The following ANKDD1A variants were observed in gnomAD, a reference collection of about 807,000 sequenced individuals.
The protein encoded by ANKDD1A is ankyrin repeat and death domain containing 1A, also known as ankyrin repeat and death domain-containing protein 1A.
A neutral mutation model predicts 63.5 loss-of-function variants in ANKDD1A; 59 were observed. That is an observed-to-expected ratio of 0.93 (90% confidence interval 0.75 to 1.15). ANKDD1A has a LOEUF of 1.15. ANKDD1A is among the 50% of genes most tolerant of loss of function. The probability of loss-of-function intolerance (pLI) is 0.00; values close to 1 mark genes in which losing one functional copy is unlikely to be tolerated. For synonymous variants in ANKDD1A, 266 were observed against 263.9 expected (o/e 1.01, Z -0.08); for missense variants, 632 against 656.4 (o/e 0.96, Z 0.41).
chr15:64,922,099 C>A (rs1033457620), intron 4 of ANKDD1A, 80 bp downstream of exon 4: 12 of 1,346,014 alleles, frequency 8.9e-6, no homozygotes, highest in Middle Eastern at 2.4e-4. Context: ...CTCTGTCCCC[C>A]ACCCCTGCTT....
At chr15:64,931,850 C>T in intron 8 of ANKDD1A, 1 of 581,582 alleles carries the variant, frequency 1.7e-6, no homozygotes, top group South Asian at 2.2e-5. Flanking sequence ...TAACACAGTG[C>T]CCAGGACATA....
chr15:64,955,142 C>T (rs1349804414), intron 14 of ANKDD1A, among the ~76,000 whole-genome samples: 1 of 151,994 alleles, frequency 6.6e-6, no homozygotes, highest in Non-Finnish European at 1.5e-5. Flanking sequence ...CAACCTCCAC[C>T]TCCCAGGTTC....
At chr15:64,955,260 A>G (rs2085407620) in intron 14 of ANKDD1A, among the ~76,000 whole-genome samples, 1 of 152,040 alleles carries the variant, frequency 6.6e-6, no homozygotes, top group Non-Finnish European at 1.5e-5. Context: ...TCACTGTGTT[A>G]GCCAGGATGG....
chr15:64,950,138 G>A (rs1323533772), intron 14 of ANKDD1A, 166 bp downstream of exon 14: 1 of 985,262 alleles, frequency 1.0e-6, no homozygotes. Flanking sequence ...GCAAACTACA[G>A]TGCCTCCTGG....
chr15:64,953,618 C>CCTCTTCTCCTTCTTCTTAGTTCTTCTTAG (rs2085350613), intron 14 of ANKDD1A, among the ~76,000 whole-genome samples: 1 of 19,296 alleles, frequency 5.2e-5, no homozygotes, highest in Admixed American at 7.5e-4. Flanking sequence ...TTCTCTCCTT[C>CCTCTTCTCCTTCTTCTTAGTTCTTCTTAG]TTCTTCTTCT....
chr15:64,949,357 C>G (rs1191172858), intron 13 of ANKDD1A, among the ~76,000 whole-genome samples: 1 of 152,208 alleles, frequency 6.6e-6, no homozygotes, highest in African/African-American at 2.4e-5. Context: ...CAAGGAGCAG[C>G]TGAGTCTGAG....
intron 11 of ANKDD1A, 57 bp from the exon 12 acceptor site, chr15:64,944,594 AC>A (rs2140380399): frequency 1.3e-6 from 2 of 1,522,828 alleles, no homozygotes; most frequent in South Asian, 2.4e-5. Context: ...AGTGCTAGAA[AC>A]CCTTGTGTAC....
chr15:64,951,456 T>A (rs1735884505), intron 14 of ANKDD1A: 1 of 38,516 alleles, frequency 2.6e-5, no homozygotes, highest in Non-Finnish European at 5.6e-5. Flanking sequence ...CCCTTTCTTT[T>A]CTTTTCTCTT....
chr15:64,950,066 C>A, intron 14 of ANKDD1A, 94 bp downstream of exon 14: 1 of 1,553,862 alleles, frequency 6.4e-7, no homozygotes, highest in South Asian at 1.2e-5. Flanking sequence ...GACAAGAATG[C>A]TGTGATGCTG....
chr15:64,936,676 C>CA (rs1027150386), intron 9 of ANKDD1A, among the ~76,000 whole-genome samples: 8 of 151,850 alleles, frequency 5.3e-5, no homozygotes, highest in African/African-American at 1.5e-4. Context: ...CCCGTATCTA[C>CA]AAAAAATTTA....
chr15:64,915,591 T>C (rs1026917557), intron 1 of ANKDD1A, among the ~76,000 whole-genome samples: 3 of 152,188 alleles, frequency 2.0e-5, no homozygotes, highest in African/African-American at 7.2e-5. Context: ...GTTGCGTGGC[T>C]GTGGGGTGAG....
At position 64,948,790 on chromosome 15, in the gene ANKDD1A, C is replaced by T. The variant is rs148909915; in HGVS notation, c.1352-1051C>T. 3.6e-4 allele frequency among the ~76,000 whole-genome samples: 55 copies of T among 152,102 alleles called. 1 individual carries two copies. The highest frequency in any genetic ancestry group is 1.3e-3 in the African/African-American group (55 of 41,478). ...GCAGTGAGCCGAGATCCCACCACTA[C>T]ACTCCAGCCTGGGGGACAGAGTGAG... is the stretch of plus-strand genomic sequence containing the variant. On this transcript the variant is annotated intron_variant, in intron 13 of 14. Transcript: ENST00000319580.
chr15:64,953,491 C>T (rs1349398374), intron 14 of ANKDD1A, among the ~76,000 whole-genome samples: 1 of 98,084 alleles, frequency 1.0e-5, no homozygotes, highest in Non-Finnish European at 2.1e-5. Context: ...TCTCCTTCTT[C>T]TTTAGTTCTT....
Position 64,934,212 on chromosome 15 carries a change from G to T in ANKDD1A, c.845G>T (p.Gly282Val). 1 of 1,612,184 alleles carries T rather than the reference G, an allele frequency of 6.2e-7. No homozygotes were observed. Among genetic ancestry groups the T allele is most frequent in the Non-Finnish European group, 8.5e-7 (1 of 1,179,096 alleles). ...TCTCGGGTCCTCATCCACGCAGGAGGCTGCGCCAACGTGGTTGATCATGTA... is the reference window on the plus strand; with the variant it reads ...TCTCGGGTCCTCATCCACGCAGGAGTCTGCGCCAACGTGGTTGATCATGTA... ...DVSRVLIHAG[G>V]CANVVDHQGA... The change falls in exon 9 of 15, where the codon GGC becomes GTC. Residue 282 changes from glycine to valine, a missense_variant. Transcript: ENST00000319580.
intron 12 of ANKDD1A, among the ~76,000 whole-genome samples, chr15:64,947,073 A>G (rs1453744272): frequency 1.3e-5 from 2 of 152,198 alleles, no homozygotes; most frequent in African/African-American, 2.4e-5. Flanking sequence ...AACACAGGAA[A>G]GAGAGGCAGG....
intron 9 of ANKDD1A, among the ~76,000 whole-genome samples, chr15:64,940,855 C>T (rs1291989021): frequency 2.0e-5 from 3 of 152,224 alleles, no homozygotes; most frequent in Non-Finnish European, 2.9e-5. Flanking sequence ...CCTCCTGCCT[C>T]AGCCTCCCAG....
At chr15:64,947,780 C>G (rs2140382599) in intron 13 of ANKDD1A, among the ~76,000 whole-genome samples, 187 bp downstream of exon 13, 1 of 152,336 alleles carries the variant, frequency 6.6e-6, no homozygotes, top group Admixed American at 6.5e-5. Flanking sequence ...CACTCTGCCT[C>G]TCCCCATTGA....
At chr15:64,953,161 T>C (rs1351100078) in intron 14 of ANKDD1A, among the ~76,000 whole-genome samples, 2 of 25,808 alleles carry the variant, frequency 7.7e-5, no homozygotes, top group Admixed American at 1.0e-3. Context: ...TCCTTTCTTC[T>C]TTCCTTCTTT....
intron 4 of ANKDD1A, among the ~76,000 whole-genome samples, chr15:64,923,222 C>G (rs1256723111): frequency 1.3e-5 from 2 of 152,092 alleles, no homozygotes; most frequent in Admixed American, 1.3e-4. Context: ...GGAGGCAGGG[C>G]TGGAGTGATG....
Sources: allele counts gnomAD v4.1 joint callset (sites outside exome capture counted in the v4.1 genomes callset), GRCh38; gene constraint gnomAD v4.1.1; transcripts MANE v1.5; gene names NCBI Gene and HGNC (gene_info 2026-07-23, HGNC 2026-07-21).